GDAP1: variants seen among roughly 807,000 people sequenced by gnomAD.
GDAP1 encodes the protein ganglioside-induced differentiation-associated protein 1.
A neutral mutation model predicts 40.1 loss-of-function variants in GDAP1; 34 were observed. The ratio of observed to expected loss-of-function variants is 0.85; its 90% CI spans 0.64 to 1.13. The LOEUF is 1.13. GDAP1 is among the 50% of genes most tolerant of loss of function. The probability of loss-of-function intolerance (pLI) is 0.00; values close to 1 mark genes in which losing one functional copy is unlikely to be tolerated. For synonymous variants in GDAP1, 170 were observed against 157.4 expected (o/e 1.08, Z -0.60); for missense variants, 374 against 433.7 (o/e 0.86, Z 1.22).
At chr8:74,387,655 G>T (rs757045720) in intron 2 of GDAP1, among the ~76,000 whole-genome samples, 6 of 152,140 alleles carry the variant, frequency 3.9e-5, no homozygotes, top group Non-Finnish European at 8.8e-5. Flanking sequence ...TTTTCGTTGT[G>T]TCTCTGCCAG....
intron 2 of GDAP1, among the ~76,000 whole-genome samples, chr8:74,393,714 A>G (rs1300543998): frequency 6.6e-6 from 1 of 152,216 alleles, no homozygotes; most frequent in Non-Finnish European, 1.5e-5. Context: ...ATCATTGAAT[A>G]CTGCTATAAC....
chr8:74,355,447 G>A (rs978021689), intron 2 of GDAP1, among the ~76,000 whole-genome samples: 39 of 152,144 alleles, frequency 2.6e-4, no homozygotes, highest in African/African-American at 8.7e-4. Flanking sequence ...TGCTATTACT[G>A]TACAGTTTTA....
downstream of GDAP1, among the ~76,000 whole-genome samples, chr8:74,369,916 T>TG (rs1336831933): frequency 3.3e-5 from 5 of 152,104 alleles, no homozygotes; most frequent in Non-Finnish European, 5.9e-5. Context: ...AAAGTGCTGA[T>TG]GGGGTGGGAA....
chr8:74,484,297 G>T (rs1425488497), intron 2 of GDAP1, among the ~76,000 whole-genome samples: 2 of 152,056 alleles, frequency 1.3e-5, no homozygotes, highest in African/African-American at 2.4e-5. Flanking sequence ...CATATTAGCA[G>T]GTTATATTTG....
At chr8:74,381,634 T>C (rs545455808) in intron 2 of GDAP1, among the ~76,000 whole-genome samples, 25 of 152,040 alleles carry the variant, frequency 1.6e-4, no homozygotes, top group African/African-American at 6.0e-4. Flanking sequence ...CAGGTGCCTG[T>C]AATCCCAGCT....
intron 2 of GDAP1, among the ~76,000 whole-genome samples, chr8:74,475,919 T>A (rs1806623482): frequency 6.6e-6 from 1 of 152,192 alleles, no homozygotes; most frequent in South Asian, 2.1e-4. Context: ...GGAGTCTAAG[T>A]CTCTTTGAAG....
At chr8:74,434,482 A>G (rs910440573) in intron 2 of GDAP1, among the ~76,000 whole-genome samples, 1 of 152,216 alleles carries the variant, frequency 6.6e-6, no homozygotes. Flanking sequence ...CAGATCTACT[A>G]TACAGAAAAT....
intron 2 of GDAP1, among the ~76,000 whole-genome samples, chr8:74,473,206 G>A (rs544107161): frequency 5.3e-5 from 8 of 152,050 alleles, no homozygotes; most frequent in Admixed American, 1.3e-4. Context: ...ACCTTTGTCC[G>A]ATGCATAGTT....
At chr8:74,466,169 A>C (rs560034610) in intron 2 of GDAP1, among the ~76,000 whole-genome samples, 1 of 152,314 alleles carries the variant, frequency 6.6e-6, no homozygotes, top group East Asian at 1.9e-4. Flanking sequence ...GACTTCATAA[A>C]AAAATGTAGT....
chr8:74,356,716 A>ATATTTTTTTTTTTTTT (rs375377157), intron 2 of GDAP1, among the ~76,000 whole-genome samples: 1 of 104,362 alleles, frequency 9.6e-6, no homozygotes, highest in African/African-American at 4.1e-5. Flanking sequence ...ATATATATAT[A>ATATTTTTTTTTTTTTT]TTTTTTTTTT....
intron 2 of GDAP1, among the ~76,000 whole-genome samples, chr8:74,402,206 C>T (rs1028728219): frequency 8.0e-5 from 12 of 150,594 alleles, no homozygotes; most frequent in Non-Finnish European, 1.6e-4. Context: ...GTGGGCTCCA[C>T]CCAATTGGAG....
chr8:74,442,046 T>G (rs1806168687), intron 2 of GDAP1, among the ~76,000 whole-genome samples: 1 of 152,224 alleles, frequency 6.6e-6, no homozygotes, highest in African/African-American at 2.4e-5. Flanking sequence ...CAGGGCTTTC[T>G]TGCTACCATT....
At chr8:74,368,298 T>A (rs1256573843), downstream of GDAP1, among the ~76,000 whole-genome samples, 1 of 152,228 alleles carries the variant, frequency 6.6e-6, no homozygotes, top group Non-Finnish European at 1.5e-5. Flanking sequence ...ATCTTCAGAT[T>A]AAACTACCTT....
intron 2 of GDAP1, among the ~76,000 whole-genome samples, chr8:74,439,176 T>C (rs1586835525): frequency 6.6e-6 from 1 of 152,222 alleles, no homozygotes; most frequent in Admixed American, 6.5e-5. Context: ...ATGTTTAACA[T>C]TTTATTTTCT....
At chr8:74,405,952 A>C (rs1464410713) in intron 2 of GDAP1, among the ~76,000 whole-genome samples, 4 of 150,136 alleles carry the variant, frequency 2.7e-5, no homozygotes, top group Non-Finnish European at 1.5e-5. Context: ...ATCCGATGAG[A>C]CATTCTGAAT....
At chr8:74,384,181 AAC>A (rs1291110753) in intron 2 of GDAP1, among the ~76,000 whole-genome samples, 2 of 152,200 alleles carry the variant, frequency 1.3e-5, no homozygotes, top group South Asian at 2.1e-4. Context: ...AATGTAAGTT[AAC>A]ACTTTCTTCC....
intron 2 of GDAP1, among the ~76,000 whole-genome samples, chr8:74,423,804 A>T (rs866215753): frequency 6.6e-6 from 1 of 152,084 alleles, no homozygotes; most frequent in Non-Finnish European, 1.5e-5. Flanking sequence ...TTGGGAGCTT[A>T]TGCACACACT....
At chr8:74,391,495 C>T (rs530611926) in intron 2 of GDAP1, among the ~76,000 whole-genome samples, 2 of 151,800 alleles carry the variant, frequency 1.3e-5, no homozygotes, top group East Asian at 3.9e-4. Flanking sequence ...TCTGCTTGCC[C>T]TCTGTGGGCT....
At chr8:74,420,444 T>C (rs183842603) in intron 2 of GDAP1, among the ~76,000 whole-genome samples, 173 of 152,254 alleles carry the variant, frequency 1.1e-3, no homozygotes, top group Non-Finnish European at 2.2e-3. Flanking sequence ...TTAACTCTTA[T>C]ATATTATAAT....
Sources: allele counts gnomAD v4.1 joint callset (sites outside exome capture counted in the v4.1 genomes callset), GRCh38; gene constraint gnomAD v4.1.1; transcripts MANE v1.5; gene names NCBI Gene and HGNC (gene_info 2026-07-23, HGNC 2026-07-21).